The following RELCH variants were observed in gnomAD, a reference collection of about 807,000 sequenced individuals.
RELCH encodes RAB11 binding and LisH domain, coiled-coil and HEAT repeat containing.
In RELCH, 41 loss-of-function variants were observed where a neutral mutation model predicts 150.3. That is an observed-to-expected ratio of 0.27 (90% CI 0.21 to 0.35). The LOEUF (loss-of-function observed/expected upper bound fraction) is 0.35. RELCH is among the 10% of genes least tolerant of loss of function. The probability of loss-of-function intolerance (pLI) is 1.00; values close to 1 mark genes in which losing one functional copy is unlikely to be tolerated. For synonymous variants in RELCH, 478 were observed against 531.8 expected (o/e 0.90, Z 1.39); for missense variants, 1,092 against 1,467.8 (o/e 0.74, Z 4.18).
rs9962996 is a variant in RELCH at position 62,210,434 on chromosome 18, A to G, written c.527-719A>G. ...CAGATTGAATAATTTCCATTAATCC[A>G]TCTTTGAGATTTCTGACCCTTTCCT... On this transcript the variant is annotated intron_variant, in intron 1 of 28. Transcript: ENST00000644646. 3.4e-3 allele frequency among the ~76,000 whole-genome samples: 512 copies of G among 152,238 alleles called. 2 individuals carry two copies. Among genetic ancestry groups the G allele is most frequent in the African/African-American group, 0.012 (503 of 41,542 alleles).
chr18:62,275,415 G>T lies in RELCH; in HGVS notation c.2909G>T (p.Trp970Leu). Residue 970 changes from tryptophan to leucine, a missense_variant, in exon 22 of 29, where the codon TGG (tryptophan) becomes TTG (leucine). Trp to Leu is a moderately conservative substitution (Grantham distance 61). Coordinates refer to ENST00000644646, the MANE Select transcript of RELCH (RefSeq NM_001346231.2). ...CATGAGTTACTATTAACTGTTTTGT[G>T]GTATGGTGTTGTCCATACTTCAGCA... ...AYHELLLTVL[W>L]YGVVHTSALV... 1 of 1,574,670 alleles carries T rather than the reference G, an allele frequency of 6.4e-7. No individual in the cohort carries two copies. Among genetic ancestry groups the T allele is most frequent in the Non-Finnish European group, 8.6e-7 (1 of 1,165,154 alleles).
Position 62,201,060 on chromosome 18 carries a change from G to A in RELCH, c.527-10093G>A, listed in dbSNP as rs578206768. 1.1e-4 allele frequency among the ~76,000 whole-genome samples: 14 copies of A among 124,716 alleles called. No individual in the cohort carries two copies. The South Asian group carries it at 1.1e-3, about 10-fold the overall frequency. 81.8% of individuals were successfully genotyped at this position (124,716 alleles called of 152,430 possible). A position where few individuals can be genotyped will look rare whatever the true frequency, so the allele number is the denominator to read the frequency against. On this transcript the variant is annotated intron_variant, in intron 1 of 28. Transcript: ENST00000644646. Reference sequence around the variant, plus strand: ...GCGATCTCGGCTTACTGCAACCTCCGCCTCCCAGGTTCCAGTGATTCTCCT... The same window carrying A: ...GCGATCTCGGCTTACTGCAACCTCCACCTCCCAGGTTCCAGTGATTCTCCT...
chr18:62,206,897 T>A (rs1348920179), intron 1 of RELCH, among the ~76,000 whole-genome samples: 1 of 151,896 alleles, frequency 6.6e-6, no homozygotes, highest in Non-Finnish European at 1.5e-5. Flanking sequence ...GTTTGTTCTT[T>A]CCTTCTGCCT....
At chr18:62,240,830 G>C (rs2042114073) in intron 10 of RELCH, among the ~76,000 whole-genome samples, 1 of 151,930 alleles carries the variant, frequency 6.6e-6, no homozygotes, top group Admixed American at 6.6e-5. Context: ...ATATTAGCTG[G>C]GCACAGTGGC....
chr18:62,287,304 T>C, intron 25 of RELCH, 47 bp from the exon 26 acceptor site: 1 of 848,206 alleles, frequency 1.2e-6, no homozygotes, highest in South Asian at 1.4e-5. Context: ...CAGGGTTTTG[T>C]ATGCATGTTT....
chr18:62,289,255 T>C (rs1250421383), intron 26 of RELCH, among the ~76,000 whole-genome samples: 3 of 152,210 alleles, frequency 2.0e-5, no homozygotes, highest in African/African-American at 7.2e-5. Context: ...GTGTTAGTTC[T>C]ACATGAGTCA....
chr18:62,194,430 A>G (rs2038879214), intron 1 of RELCH, among the ~76,000 whole-genome samples: 1 of 152,210 alleles, frequency 6.6e-6, no homozygotes, highest in African/African-American at 2.4e-5. Flanking sequence ...AATTAGGTCT[A>G]TGGCGGCAGG....
intron 22 of RELCH, among the ~76,000 whole-genome samples, chr18:62,275,972 A>G (rs918965872): frequency 6.6e-6 from 1 of 152,218 alleles, no homozygotes; most frequent in Non-Finnish European, 1.5e-5. Context: ...TTAACTGCCC[A>G]TAGAGTTGCA....
chr18:62,266,422 A>G (rs2043566133), intron 18 of RELCH, among the ~76,000 whole-genome samples: 1 of 151,906 alleles, frequency 6.6e-6, no homozygotes. Flanking sequence ...ATCATATTGG[A>G]AATTATTTTA....
chr18:62,234,058 T>C (rs892038387), intron 10 of RELCH, among the ~76,000 whole-genome samples: 1 of 151,966 alleles, frequency 6.6e-6, no homozygotes, highest in African/African-American at 2.4e-5. Context: ...ATTATTTGTA[T>C]GTTTTATCAG....
intron 2 of RELCH, among the ~76,000 whole-genome samples, chr18:62,217,832 C>A (rs2040582625): frequency 6.6e-6 from 1 of 151,800 alleles, no homozygotes; most frequent in African/African-American, 2.4e-5. Context: ...GCAGAAAGAA[C>A]AATAGTGGGA....
chr18:62,221,563 T>C lies in RELCH; in HGVS notation c.858+66T>C. The C allele has an allele frequency of 7.4e-6, 5 of 678,564 alleles. No homozygotes were observed. In the South Asian group the frequency reaches 9.4e-5, roughly 13 times the overall value. 42.0% of individuals were successfully genotyped at this position (678,564 alleles called of 1,614,324 possible). ...CTTATAATTCACTTTTTCTTTTACGTAGTTTCTTTTTTTTTTTTTTTAAGT... is the reference window on the plus strand; with the variant it reads ...CTTATAATTCACTTTTTCTTTTACGCAGTTTCTTTTTTTTTTTTTTTAAGT... On this transcript the variant is annotated intron_variant, in intron 5 of 28. Transcript: ENST00000644646.
At chr18:62,196,129 C>G (rs931656279) in intron 1 of RELCH, among the ~76,000 whole-genome samples, 1 of 152,204 alleles carries the variant, frequency 6.6e-6, no homozygotes, top group African/African-American at 2.4e-5. Context: ...AACTTTTCAT[C>G]CCTTCTACTT....
chr18:62,247,613 G>A (rs984975764), intron 11 of RELCH, among the ~76,000 whole-genome samples: 1 of 151,254 alleles, frequency 6.6e-6, no homozygotes, highest in Admixed American at 6.6e-5. Flanking sequence ...GCACAATCAT[G>A]GCTCACTGCA....
At chr18:62,283,926 G>A (rs1021068271) in intron 25 of RELCH, among the ~76,000 whole-genome samples, 21 of 152,134 alleles carry the variant, frequency 1.4e-4, no homozygotes, top group African/African-American at 5.1e-4. Context: ...TGTTAAACGG[G>A]TCTTTGGTGT....
At chr18:62,264,284 T>A (rs537874209) in intron 17 of RELCH, 139 bp downstream of exon 17, 2 of 634,502 alleles carry the variant, frequency 3.2e-6, no homozygotes, top group South Asian at 4.1e-5. Context: ...CACAGAGGAT[T>A]CACACCATTG....
intron 22 of RELCH, chr18:62,277,916 A>T: frequency 2.2e-6 from 2 of 889,352 alleles, no homozygotes; most frequent in Non-Finnish European, 2.7e-6. Flanking sequence ...CAACTCAAAG[A>T]GGTCATGGAC....
chr18:62,241,868 T>C (rs563223873), intron 10 of RELCH, among the ~76,000 whole-genome samples: 26 of 152,252 alleles, frequency 1.7e-4, no homozygotes, highest in African/African-American at 5.1e-4. Context: ...TGTGAATAAA[T>C]AACACAACAG....
Position 62,274,010 on chromosome 18 carries a change from T to C in RELCH, c.2791T>C (p.Leu931=). Residue 931 remains leucine (L), a synonymous_variant, in exon 21 of 29, where the codon TTA becomes CTA. Coordinates refer to ENST00000644646, the MANE Select transcript of RELCH (RefSeq NM_001346231.2). The stretch of plus-strand genomic sequence containing the variant: ...AGACCGAAAACTGTTAGTTGGATTC[T>C]TAGAAGATGTAATGACGCTGCTTTC... The part of the protein sequence containing the change: ...EEDRKLLVGF[L]EDVMTLLSLS... 6.2e-7 allele frequency: 1 copy of C among 1,612,836 alleles called. No homozygotes were observed. The highest frequency in any genetic ancestry group is 1.1e-5 in the South Asian group (1 of 91,012).
Sources: gnomAD v4.1 joint callset for allele counts (sites outside exome capture counted in the v4.1 genomes callset) on GRCh38, gnomAD v4.1.1 for gene constraint, MANE v1.5 for transcripts, NCBI Gene and HGNC (gene_info 2026-07-23, HGNC 2026-07-21) for gene names.